STAG1: variants seen among roughly 807,000 people sequenced by gnomAD.
STAG1 encodes the protein cohesin subunit SA-1.
In STAG1, 26 loss-of-function variants were observed where a neutral mutation model predicts 170.9. The ratio of observed to expected loss-of-function variants is 0.15; its 90% confidence interval spans 0.11 to 0.21. The LOEUF (loss-of-function observed/expected upper bound fraction) is 0.21. STAG1 is among the 10% of genes least tolerant of loss of function. STAG1 has a pLI of 1.00. For synonymous variants in STAG1, 514 were observed against 497.7 expected (o/e 1.03, Z -0.44); for missense variants, 964 against 1,509.5 (o/e 0.64, Z 5.99).
intron 1 of STAG1, among the ~76,000 whole-genome samples, chr3:136,751,189 T>G (rs925529286): frequency 6.6e-6 from 1 of 151,966 alleles, no homozygotes; most frequent in African/African-American, 2.4e-5. Flanking sequence ...TTTTTTGTTT[T>G]TTTTTTGTCT....
At chr3:136,587,049 A>T (rs1022646636) in intron 4 of STAG1, 3 of 352,620 alleles carry the variant, frequency 8.5e-6, no homozygotes, top group South Asian at 4.6e-5. Context: ...GTCTATCATG[A>T]TAAGCTACTG....
chr3:136,696,006 A>C (rs1207012654), intron 1 of STAG1, among the ~76,000 whole-genome samples: 1 of 152,226 alleles, frequency 6.6e-6, no homozygotes, highest in Non-Finnish European at 1.5e-5. Context: ...ATATAAAAAC[A>C]GAATTGCAAT....
intron 1 of STAG1, among the ~76,000 whole-genome samples, chr3:136,655,302 T>G (rs777203235): frequency 7.2e-5 from 11 of 152,136 alleles, no homozygotes; most frequent in Non-Finnish European, 1.3e-4. Flanking sequence ...ACAAATAACC[T>G]GATTCACAAA....
At chr3:136,555,351 A>G (rs1202213528) in intron 5 of STAG1, among the ~76,000 whole-genome samples, 4 of 151,544 alleles carry the variant, frequency 2.6e-5, no homozygotes, top group African/African-American at 9.7e-5. Flanking sequence ...AAATAATAAT[A>G]ATAATAAAAT....
chr3:136,737,699 T>C (rs1286123121), intron 1 of STAG1, among the ~76,000 whole-genome samples: 6 of 152,308 alleles, frequency 3.9e-5, no homozygotes, highest in South Asian at 4.1e-4. Context: ...GGTAGCAGTA[T>C]AAAGGAGGCA....
intron 16 of STAG1, among the ~76,000 whole-genome samples, chr3:136,432,977 GT>G (rs1030053783): frequency 1.3e-4 from 19 of 148,494 alleles, no homozygotes; most frequent in Admixed American, 2.7e-4. Flanking sequence ...CCCAATGTGT[GT>G]TTTTTTTTTA....
intron 9 of STAG1, among the ~76,000 whole-genome samples, chr3:136,495,105 G>A (rs1277967023): frequency 3.3e-5 from 5 of 152,208 alleles, no homozygotes; most frequent in African/African-American, 4.8e-5. Context: ...TGGTATCAGT[G>A]TAAGGATAGA....
At chr3:136,589,922 T>C (rs1390513843) in intron 4 of STAG1, among the ~76,000 whole-genome samples, 1 of 148,320 alleles carries the variant, frequency 6.7e-6, no homozygotes. Context: ...CAGAGCGAGA[T>C]TCCATCTCAA....
intron 1 of STAG1, among the ~76,000 whole-genome samples, chr3:136,751,654 C>G (rs941880209): frequency 1.3e-5 from 2 of 152,162 alleles, no homozygotes; most frequent in Admixed American, 1.3e-4. Context: ...CCGAGCGACC[C>G]CCCAGGCCCC....
At chr3:136,673,895 G>C (rs1942048338) in intron 1 of STAG1, among the ~76,000 whole-genome samples, 2 of 151,826 alleles carry the variant, frequency 1.3e-5, no homozygotes, top group Admixed American at 1.3e-4. Context: ...TTGAGCTCAT[G>C]AATTCAAGGC....
chr3:136,645,870 G>C (rs1363610224), intron 1 of STAG1, among the ~76,000 whole-genome samples: 3 of 152,106 alleles, frequency 2.0e-5, no homozygotes, highest in African/African-American at 4.8e-5. Context: ...ATTCACTGAA[G>C]GTATCTGCAT....
intron 7 of STAG1, among the ~76,000 whole-genome samples, chr3:136,507,595 T>C (rs942148539): frequency 2.0e-5 from 3 of 152,142 alleles, no homozygotes; most frequent in Admixed American, 6.5e-5. Flanking sequence ...CTTGAACTCC[T>C]GGCCTCAAGT....
chr3:136,653,351 G>T (rs1941278571), intron 1 of STAG1, among the ~76,000 whole-genome samples: 1 of 152,016 alleles, frequency 6.6e-6, no homozygotes, highest in Non-Finnish European at 1.5e-5. Context: ...AAGGAAATTT[G>T]ATTGTATTAA....
chr3:136,737,388 C>T (rs1934402096), intron 1 of STAG1, among the ~76,000 whole-genome samples: 1 of 152,162 alleles, frequency 6.6e-6, no homozygotes, highest in Non-Finnish European at 1.5e-5. Flanking sequence ...AGGCGTGAGC[C>T]ATCATGCCGG....
intron 30 of STAG1, 32 bp from the exon 31 acceptor site, chr3:136,341,583 C>T (rs1248413904): frequency 1.4e-6 from 2 of 1,448,624 alleles, no homozygotes; most frequent in South Asian, 1.2e-5. Flanking sequence ...AATTTTGTAG[C>T]AGCAGATGAT....
chr3:136,502,505 G>T, intron 8 of STAG1, 123 bp downstream of exon 8: 1 of 1,063,742 alleles, frequency 9.4e-7, no homozygotes, highest in Non-Finnish European at 1.3e-6. Context: ...TGGAAACCCT[G>T]ACATCAAATA....
intron 6 of STAG1, among the ~76,000 whole-genome samples, chr3:136,528,072 T>G (rs1024585013): frequency 1.3e-5 from 2 of 152,196 alleles, no homozygotes; most frequent in African/African-American, 2.4e-5. Flanking sequence ...TTCTCAGATC[T>G]CAAACTCCGT....
At chr3:136,444,596 G>A (rs2088723015) in intron 14 of STAG1, among the ~76,000 whole-genome samples, 1 of 152,166 alleles carries the variant, frequency 6.6e-6, no homozygotes, top group East Asian at 1.9e-4. Context: ...AATGCATTGA[G>A]AACTAAGATT....
chr3:136,623,089 T>C, intron 3 of STAG1, 57 bp downstream of exon 3: 1 of 1,453,542 alleles, frequency 6.9e-7, no homozygotes, highest in South Asian at 1.2e-5. Context: ...ACAACTCATA[T>C]AAACTCATTA....
Sources: allele counts gnomAD v4.1 joint callset (sites outside exome capture counted in the v4.1 genomes callset), GRCh38; gene constraint gnomAD v4.1.1; transcripts MANE v1.5; gene names NCBI Gene and HGNC (gene_info 2026-07-23, HGNC 2026-07-21).